Variants in ABCA4 observed in about 807,000 individuals in gnomAD.
ABCA4 encodes ATP binding cassette subfamily A member 4, also known as retinal-specific phospholipid-transporting ATPase ABCA4.
In ABCA4, 196 loss-of-function variants were observed where a neutral mutation model predicts 263.7. The observed-to-expected ratio is 0.74, with a 90% CI of 0.66 to 0.84. The LOEUF (loss-of-function observed/expected upper bound fraction) is 0.84. Among genes scored for constraint, ABCA4 ranks in the 40% least tolerant of loss-of-function variants. The pLI is 0.00. For missense variants in ABCA4, 2,792 were observed against 2,855.1 expected, an observed-to-expected ratio of 0.98 and a Z score of 0.50; for synonymous variants, 1,133 against 1,094.2, an observed-to-expected ratio of 1.04 and a Z score of -0.70.
intron 17 of ABCA4, among the ~76,000 whole-genome samples, chr1:94,049,403 A>T (rs1233852278): frequency 1.3e-5 from 2 of 152,172 alleles, no homozygotes; most frequent in Non-Finnish European, 2.9e-5. Flanking sequence ...ATGTAGGCGT[A>T]TCATGAGGTC....
At chr1:94,049,539 G>A (rs751480029) in intron 17 of ABCA4, among the ~76,000 whole-genome samples, 1 of 152,120 alleles carries the variant, frequency 6.6e-6, no homozygotes, top group Non-Finnish European at 1.5e-5. Context: ...CAGGAGAATC[G>A]CTTGAACCCG....
At chr1:94,107,749 G>A (rs1049530264) in intron 4 of ABCA4, among the ~76,000 whole-genome samples, 8 of 152,008 alleles carry the variant, frequency 5.3e-5, no homozygotes, top group Non-Finnish European at 8.8e-5. Flanking sequence ...CACCATGGCC[G>A]CATCTGGGGG....
intron 43 of ABCA4, 108 bp downstream of exon 43, chr1:94,007,526 T>C: frequency 9.8e-7 from 1 of 1,018,156 alleles, no homozygotes; most frequent in South Asian, 1.3e-5. Flanking sequence ...TGTACAGATC[T>C]TTCAGGGCCT....
rs1661630042 is a variant in ABCA4, at chr1:94,079,441, T to A, written c.1120A>T (p.Ile374Phe). 1.2e-6 allele frequency: 2 copies of A among 1,614,052 alleles called. No homozygotes were observed. The highest frequency in any genetic ancestry group is 2.7e-5 in the African/African-American group (2 of 74,902). ...RRTTSFCNALIQSLESNPLTK... is the reference protein window; with the variant it reads ...RRTTSFCNALFQSLESNPLTK... ...AAAGGATTTGACTCCAGGCTCTGGA[T>A]CAATGCATTACAAAAGGATGCTGCC... The change falls in exon 9 of 50, where the codon ATC becomes TTC. Residue 374 changes from isoleucine (I) to phenylalanine (F), a missense_variant. Ile to Phe is a conservative substitution (Grantham distance 21). Coordinates refer to ENST00000370225, the MANE Select transcript of ABCA4 (RefSeq NM_000350.3).
Position 94,037,360 on chromosome 1 carries a change from GA to G in ABCA4, c.3608-11del, listed in dbSNP as rs781559455. 1.2e-6 allele frequency: 2 copies of G among 1,612,976 alleles called. No homozygotes were observed. The highest frequency in any genetic ancestry group is 1.7e-5 in the Admixed American group (1 of 60,006). On this transcript the variant is annotated splice_polypyrimidine_tract_variant and intron_variant, in intron 24 of 49. Coordinates refer to ENST00000370225, the MANE Select transcript of ABCA4 (RefSeq NM_000350.3). The stretch of plus-strand genomic sequence containing the variant: ...AGCTCATTTACATCCCCTAGGACAA[GA>G]AAAAAGACTGATGCCAGCTCTGTTT...
At chr1:94,062,221 C>T (rs1228452106) in intron 13 of ABCA4, among the ~76,000 whole-genome samples, 2 of 152,180 alleles carry the variant, frequency 1.3e-5, no homozygotes, top group East Asian at 3.9e-4. Context: ...GCTGATGTGG[C>T]AATCATTGGG....
chr1:94,013,959 A>T (rs1286493820), intron 38 of ABCA4, among the ~76,000 whole-genome samples: 2 of 152,066 alleles, frequency 1.3e-5, no homozygotes, highest in Non-Finnish European at 2.9e-5. Flanking sequence ...TAGGAAGGAG[A>T]TTTTTTCATT....
At chr1:94,066,962 T>C (rs539621846) in intron 11 of ABCA4, among the ~76,000 whole-genome samples, 10 of 152,356 alleles carry the variant, frequency 6.6e-5, no homozygotes, top group Non-Finnish European at 1.2e-4. Context: ...TAAATAGCCC[T>C]GCGTGGCTGC....
chr1:94,029,097 T>C (rs1454311402), intron 30 of ABCA4, among the ~76,000 whole-genome samples: 1 of 118,844 alleles, frequency 8.4e-6, no homozygotes, highest in Non-Finnish European at 1.8e-5. Flanking sequence ...TCTGTGTTTA[T>C]ATCCAAGCGA....
At chr1:94,044,813 A>G in intron 19 of ABCA4, 69 bp from the exon 20 acceptor site, 3 of 1,610,034 alleles carry the variant, frequency 1.9e-6, no homozygotes, top group South Asian at 2.2e-5. Context: ...GGCCACCCCC[A>G]CACCAGGTTC....
intron 11 of ABCA4, among the ~76,000 whole-genome samples, chr1:94,065,720 G>C (rs1188918087): frequency 6.6e-6 from 1 of 152,210 alleles, no homozygotes; most frequent in Non-Finnish European, 1.5e-5. Flanking sequence ...AGGAACACAG[G>C]TACATGAAAA....
intron 11 of ABCA4, 58 bp from the exon 12 acceptor site, chr1:94,063,375 T>C (rs1661183068): frequency 1.3e-6 from 2 of 1,511,644 alleles, no homozygotes; most frequent in Admixed American, 3.3e-5. Flanking sequence ...AAGACTCAAC[T>C]CTACACACAG....
chr1:94,010,605 T>C (rs1659516900), intron 40 of ABCA4, 195 bp downstream of exon 40: 3 of 754,964 alleles, frequency 4.0e-6, no homozygotes, highest in Non-Finnish European at 4.6e-6. Flanking sequence ...TTAAAGTGGA[T>C]GCTCTTCACA....
At chr1:94,051,889 A>G (rs1198287428) in intron 16 of ABCA4, among the ~76,000 whole-genome samples, 191 bp from the exon 17 acceptor site, 1 of 152,170 alleles carries the variant, frequency 6.6e-6, no homozygotes, top group Non-Finnish European at 1.5e-5. Flanking sequence ...TTATCCACAC[A>G]GTCATGTTTT....
intron 4 of ABCA4, 78 bp downstream of exon 4, chr1:94,108,499 C>G (rs1662502302): frequency 6.2e-7 from 1 of 1,601,420 alleles, no homozygotes; most frequent in Non-Finnish European, 8.5e-7. Flanking sequence ...TTCACCAACT[C>G]TCCCTGTTCT....
chr1:94,044,074 T>C (rs1266530554), intron 20 of ABCA4, among the ~76,000 whole-genome samples: 267 of 3,170 alleles, frequency 0.084, 5 homozygotes, highest in African/African-American at 0.096. Context: ...CGCTTCCTTC[T>C]CCCCTCCCTC....
intron 10 of ABCA4, 116 bp from the exon 11 acceptor site, chr1:94,078,003 T>G: frequency 1.0e-6 from 1 of 1,004,330 alleles, no homozygotes; most frequent in Non-Finnish European, 1.5e-6. Context: ...TAAGGCTCCC[T>G]GAAGAGCTGG....
Position 94,008,781 on chromosome 1 carries a change from A to G in ABCA4, c.5805T>C (p.Thr1935=). ...RQRIITGGNK[T]DILRLHELTK... is the part of the protein sequence containing the mutation. The stretch of plus-strand genomic sequence containing the variant: ...TTAGTTCATGTAGCCTTAAGATGTC[A>G]GTTTTATTTCCACCAGTAATAATTC... Residue 1935 remains threonine (T), a synonymous_variant, in exon 41 of 50, where the codon ACT becomes ACC. Transcript: ENST00000370225. 6.2e-7 allele frequency: 1 copy of G among 1,613,962 alleles called. No individual in the cohort carries two copies. Among genetic ancestry groups the G allele is most frequent in the Non-Finnish European group, 8.5e-7 (1 of 1,179,986 alleles).
chr1:94,058,516 C>T (rs1159543714), intron 14 of ABCA4, among the ~76,000 whole-genome samples: 9 of 152,170 alleles, frequency 5.9e-5, no homozygotes, highest in African/African-American at 1.9e-4. Context: ...CATGTGCCAC[C>T]GCACCTGGCT....
Sources: gnomAD v4.1 joint callset for allele counts (sites outside exome capture counted in the v4.1 genomes callset) on GRCh38, gnomAD v4.1.1 for gene constraint, MANE v1.5 for transcripts, NCBI Gene and HGNC (gene_info 2026-07-23, HGNC 2026-07-21) for gene names.